Variants in MYCBP2 observed in about 807,000 individuals in gnomAD.
The protein encoded by MYCBP2 is E3 ubiquitin-protein ligase MYCBP2.
In MYCBP2, 120 loss-of-function variants were observed where a neutral mutation model predicts 525.3. That is an observed-to-expected ratio of 0.23 (90% CI 0.20 to 0.27). MYCBP2 has a LOEUF of 0.27. Among genes scored for constraint, MYCBP2 ranks in the 10% least tolerant of loss-of-function variants. The pLI, the probability that MYCBP2 is intolerant of heterozygous loss-of-function variation, is 1.00. For missense variants in MYCBP2, 4,149 were observed against 5,657.1 expected, an observed-to-expected ratio of 0.73 and a Z score of 8.55; for synonymous variants, 1,894 against 1,955.8, an observed-to-expected ratio of 0.97 and a Z score of 0.83.
At chr13:77,290,045 C>T (rs2077310439) in intron 2 of MYCBP2, among the ~76,000 whole-genome samples, 1 of 151,976 alleles carries the variant, frequency 6.6e-6, no homozygotes, top group Non-Finnish European at 1.5e-5. Context: ...ACAAGGAATC[C>T]AATTAACAAA....
chr13:77,221,902 A>G (rs939524041), intron 20 of MYCBP2, among the ~76,000 whole-genome samples: 1 of 152,182 alleles, frequency 6.6e-6, no homozygotes, highest in Non-Finnish European at 1.5e-5. Flanking sequence ...GTATTTGTAC[A>G]TAAACTACAC....
intron 10 of MYCBP2, among the ~76,000 whole-genome samples, chr13:77,263,169 A>C (rs2073579564): frequency 6.6e-6 from 1 of 152,014 alleles, no homozygotes; most frequent in African/African-American, 2.4e-5. Flanking sequence ...TCCGTGTGTA[A>C]GGCCAATTAC....
chr13:77,209,508 T>G (rs1275729462), intron 23 of MYCBP2, among the ~76,000 whole-genome samples: 2 of 152,228 alleles, frequency 1.3e-5, no homozygotes, highest in African/African-American at 4.8e-5. Context: ...TCTTGAACAT[T>G]GACTTCTAAT....
At chr13:77,130,016 C>A (rs896492015) in intron 52 of MYCBP2, among the ~76,000 whole-genome samples, 1 of 151,594 alleles carries the variant, frequency 6.6e-6, no homozygotes, top group Non-Finnish European at 1.5e-5. Context: ...GAAACGTTAT[C>A]CTAGAAAAAT....
chr13:77,306,444 T>A (rs938281199), intron 1 of MYCBP2, among the ~76,000 whole-genome samples: 1 of 152,200 alleles, frequency 6.6e-6, no homozygotes, highest in Non-Finnish European at 1.5e-5. Flanking sequence ...ATTTCTTATA[T>A]ATAGCTTCAG....
At chr13:77,252,897 C>A (rs1336933315) in intron 14 of MYCBP2, among the ~76,000 whole-genome samples, 2 of 152,060 alleles carry the variant, frequency 1.3e-5, no homozygotes, top group Non-Finnish European at 2.9e-5. Context: ...CTCATTTAAT[C>A]ATTCCAATAC....
intron 44 of MYCBP2, among the ~76,000 whole-genome samples, chr13:77,158,589 G>T (rs1056422957): frequency 1.8e-4 from 28 of 152,092 alleles, no homozygotes; most frequent in African/African-American, 6.8e-4. Flanking sequence ...ACTTACAGGC[G>T]TATGCCACCA....
In MYCBP2 at chr13:77,188,954, T is replaced by G. The variant is rs764072627; in HGVS notation, c.4248A>C (p.Ser1416=). ...AATTTTTTAAAACATGGCTTACCAC[T>G]GAGACAGTTCTTGCAAAAGACCTCT... ...ILKRSFARTV[S]VECFESLLSI... The change falls in exon 30 of 83, where the codon TCA becomes TCC. Residue 1416 remains serine (S), a synonymous_variant. Transcript: ENST00000544440. 1 of 1,594,824 alleles carries G rather than the reference T, an allele frequency of 6.3e-7. No homozygotes were observed. Among genetic ancestry groups the G allele is most frequent in the East Asian group, 2.3e-5 (1 of 43,650 alleles).
intron 55 of MYCBP2, among the ~76,000 whole-genome samples, chr13:77,116,279 T>G (rs2049743570): frequency 6.6e-6 from 1 of 151,984 alleles, no homozygotes; most frequent in Non-Finnish European, 1.5e-5. Context: ...AAATCTCATT[T>G]TACTAAATAG....
At chr13:77,074,177 GA>G (rs944239141) in intron 68 of MYCBP2, among the ~76,000 whole-genome samples, 1 of 152,006 alleles carries the variant, frequency 6.6e-6, no homozygotes, top group Non-Finnish European at 1.5e-5. Flanking sequence ...CAATGGAGCA[GA>G]ATAGAGTCCA....
chr13:77,191,637 A>T, intron 28 of MYCBP2, 42 bp downstream of exon 28: 1 of 1,594,256 alleles, frequency 6.3e-7, no homozygotes, highest in Non-Finnish European at 8.6e-7. Flanking sequence ...TTCCTCTAAC[A>T]AAAATAAGTA....
rs1231661674 is a variant in MYCBP2, at chr13:77,044,835, G to A, written c.*543C>T. 1 of 398,204 alleles carries A rather than the reference G, an allele frequency of 2.5e-6. No homozygotes were observed. The highest frequency in any genetic ancestry group is 6.3e-4 in the Middle Eastern group (1 of 1,584). 24.7% of individuals were successfully genotyped at this position (398,204 alleles called of 1,614,324 possible). A position where few individuals can be genotyped will look rare whatever the true frequency, so the allele number is the denominator to read the frequency against. On this transcript the variant is annotated 3_prime_UTR_variant, in exon 83 of 83. Transcript: ENST00000544440. Reference sequence around the variant, plus strand: ...TTGTAATTTAGTAATTCTTATACAGGACAAACATTGATATGTTTATATACA... The same window carrying A: ...TTGTAATTTAGTAATTCTTATACAGAACAAACATTGATATGTTTATATACA...
intron 1 of MYCBP2, among the ~76,000 whole-genome samples, chr13:77,304,870 C>G (rs2079212361): frequency 6.6e-6 from 1 of 151,708 alleles, no homozygotes; most frequent in Non-Finnish European, 1.5e-5. Context: ...AAGGAGACAT[C>G]ACTACAGATG....
chr13:77,082,359 G>A, intron 63 of MYCBP2, among the ~76,000 whole-genome samples: 1 of 152,130 alleles, frequency 6.6e-6, no homozygotes, highest in East Asian at 1.9e-4. Context: ...TAATTCATCA[G>A]GGTATAGTTT....
chr13:77,190,377 T>C (rs746716891), intron 28 of MYCBP2, 42 bp from the exon 29 acceptor site: 2 of 1,082,956 alleles, frequency 1.8e-6, no homozygotes, highest in South Asian at 2.8e-5. Flanking sequence ...ACATGATCAT[T>C]ACAGGAAATA....
chr13:77,235,410 A>G (rs903005969), intron 17 of MYCBP2, among the ~76,000 whole-genome samples: 3 of 152,130 alleles, frequency 2.0e-5, no homozygotes, highest in Non-Finnish European at 4.4e-5. Flanking sequence ...ATAAAAGCAT[A>G]AAGATATTAA....
intron 5 of MYCBP2, 122 bp downstream of exon 5, chr13:77,273,350 A>G (rs2075127263): frequency 1.4e-6 from 1 of 717,706 alleles, no homozygotes; most frequent in South Asian, 2.4e-5. Flanking sequence ...TTATGTATCA[A>G]TCTTGGACAG....
chr13:77,106,755 C>T (rs929929976), intron 55 of MYCBP2, among the ~76,000 whole-genome samples: 7 of 150,796 alleles, frequency 4.6e-5, no homozygotes, highest in Admixed American at 1.3e-4. Flanking sequence ...TTCTTTCCAA[C>T]TTTTATTTTA....
intron 13 of MYCBP2, among the ~76,000 whole-genome samples, chr13:77,258,794 A>G (rs1333328510): frequency 6.6e-6 from 1 of 152,196 alleles, no homozygotes; most frequent in Non-Finnish European, 1.5e-5. Context: ...ATGATGTGCT[A>G]AGCATTTCTT....
Sources: gnomAD v4.1 joint callset for allele counts (sites outside exome capture counted in the v4.1 genomes callset) on GRCh38, gnomAD v4.1.1 for gene constraint, MANE v1.5 for transcripts, NCBI Gene and HGNC (gene_info 2026-07-23, HGNC 2026-07-21) for gene names.